PRKD1: variants seen among roughly 807,000 people sequenced by gnomAD.
PRKD1 encodes serine/threonine-protein kinase D1.
Under a neutral mutation model 95.9 loss-of-function variants are expected in PRKD1, and 63 were observed. The ratio of observed to expected loss-of-function variants is 0.66; its 90% confidence interval spans 0.54 to 0.81. The LOEUF (loss-of-function observed/expected upper bound fraction) is 0.81. Ranked by LOEUF, PRKD1 falls within the 30% of genes least tolerant of loss-of-function variation. PRKD1 has a pLI of 0.00. For synonymous variants in PRKD1, 425 were observed against 423.1 expected, an observed-to-expected ratio of 1.00 and a Z score of -0.05; for missense variants, 1,048 against 1,165.3, an observed-to-expected ratio of 0.90 and a Z score of 1.47.
chr14:29,625,341 T>C (rs930345814), intron 12 of PRKD1, among the ~76,000 whole-genome samples: 10 of 152,206 alleles, frequency 6.6e-5, no homozygotes, highest in African/African-American at 2.4e-4. Flanking sequence ...CTTCTGAGAC[T>C]CTTCTCATCT....
At chr14:29,626,297 C>A (rs1879616635) in intron 12 of PRKD1, among the ~76,000 whole-genome samples, 187 bp downstream of exon 12, 1 of 152,064 alleles carries the variant, frequency 6.6e-6, no homozygotes, top group South Asian at 2.1e-4. Context: ...TCAAAACACA[C>A]ATATCCCAAT....
chr14:29,599,733 C>T lies in PRKD1; in HGVS notation c.1990G>A (p.Gly664Arg), dbSNP rs763393035. ...GACAAGATCATTTCCAGCATGTCTC[C>T]ATGGAGTTTTTCCATAACAACAAAC... is the stretch of plus-strand genomic sequence containing the variant. Reference protein sequence around the residue: ...RVFVVMEKLHGDMLEMILSSE... With the variant: ...RVFVVMEKLHRDMLEMILSSE... The change falls in exon 14 of 18, where the codon GGA (glycine) becomes AGA (arginine). Residue 664 changes from glycine (G) to arginine (R), a missense_variant. Around this residue, in one of 3 missense-constraint regions of PRKD1, gnomAD observed 739 missense variants for 861.9 expected, o/e 0.86. Coordinates refer to ENST00000331968, the MANE Select transcript of PRKD1 (RefSeq NM_002742.3). 6.2e-7 allele frequency: 1 copy of T among 1,613,408 alleles called. No homozygotes were observed. The highest frequency in any genetic ancestry group is 1.7e-5 in the Admixed American group (1 of 59,970).
intron 12 of PRKD1, among the ~76,000 whole-genome samples, chr14:29,624,832 C>G (rs1224414555): frequency 6.6e-6 from 1 of 152,116 alleles, no homozygotes; most frequent in East Asian, 1.9e-4. Flanking sequence ...TTATCATCAT[C>G]ATCACCATAT....
At chr14:29,849,285 T>A (rs1219953494) in intron 1 of PRKD1, among the ~76,000 whole-genome samples, 1 of 152,198 alleles carries the variant, frequency 6.6e-6, no homozygotes, top group Non-Finnish European at 1.5e-5. Context: ...TCATTCACTT[T>A]CCACCATAAT....
At chr14:29,863,472 GT>G (rs1301959635) in intron 1 of PRKD1, among the ~76,000 whole-genome samples, 1 of 152,080 alleles carries the variant, frequency 6.6e-6, no homozygotes, top group Non-Finnish European at 1.5e-5. Flanking sequence ...GTCAACTCTA[GT>G]TTTTCCTTTC....
chr14:29,760,605 G>A (rs959565211), intron 1 of PRKD1, among the ~76,000 whole-genome samples: 5 of 148,520 alleles, frequency 3.4e-5, no homozygotes, highest in Admixed American at 6.6e-5. Flanking sequence ...CGCCTGCCTC[G>A]GCCTCCCAAA....
chr14:29,712,259 T>G (rs1444950513), intron 2 of PRKD1, among the ~76,000 whole-genome samples: 1 of 152,106 alleles, frequency 6.6e-6, no homozygotes, highest in Non-Finnish European at 1.5e-5. Context: ...CTCTTCATCA[T>G]TTTTTCCCCT....
intron 13 of PRKD1, among the ~76,000 whole-genome samples, chr14:29,604,952 T>C (rs74829447): frequency 0.036 from 5,435 of 152,260 alleles, 340 homozygotes; most frequent in African/African-American, 0.12. Context: ...ATTTCTTCGC[T>C]TGGCAAATGG....
intron 1 of PRKD1, among the ~76,000 whole-genome samples, chr14:29,818,664 T>C (rs8018656): frequency 0.22 from 32,932 of 151,636 alleles, 4,027 homozygotes; most frequent in South Asian, 0.34. Context: ...ACAACTATTT[T>C]GTTTGGTTTC....
At chr14:29,578,190 T>C (rs548085239) in intron 17 of PRKD1, 85 bp downstream of exon 17, 1 of 1,088,454 alleles carries the variant, frequency 9.2e-7, no homozygotes, top group Non-Finnish European at 1.3e-6. Flanking sequence ...ACTTTAAAAA[T>C]TATTGCAAAA....
chr14:29,823,383 G>A (rs887840374), intron 1 of PRKD1, among the ~76,000 whole-genome samples: 5 of 151,814 alleles, frequency 3.3e-5, no homozygotes, highest in Admixed American at 6.6e-5. Flanking sequence ...TTTGTTATTC[G>A]CAGAGCCTAT....
chr14:29,599,105 G>T lies in PRKD1; in HGVS notation c.2088C>A (p.His696Gln). Residue 696 changes from histidine (H) to glutamine (Q), a missense_variant, in exon 15 of 18, where the codon CAC becomes CAA. His to Gln is a conservative substitution (Grantham distance 24, BLOSUM62 0). Coordinates refer to ENST00000331968, the MANE Select transcript of PRKD1 (RefSeq NM_002742.3). ...LITQILVALR[H>Q]LHFKNIVHCD... ...AGTGAACGATATTTTTAAAATGAAG[G>T]TGCCGCAAAGCCACGAGTATCTGTA... 1.9e-6 allele frequency: 3 copies of T among 1,613,390 alleles called. No homozygotes were observed. The highest frequency in any genetic ancestry group is 1.1e-5 in the South Asian group (1 of 91,048).
At chr14:29,807,594 C>T (rs1479611584) in intron 1 of PRKD1, among the ~76,000 whole-genome samples, 3 of 151,732 alleles carry the variant, frequency 2.0e-5, no homozygotes, top group African/African-American at 2.4e-5. Flanking sequence ...GATGAGGTTT[C>T]GCCATGTTGT....
At chr14:29,798,626 T>C (rs1329485108) in intron 1 of PRKD1, among the ~76,000 whole-genome samples, 1 of 152,216 alleles carries the variant, frequency 6.6e-6, no homozygotes, top group African/African-American at 2.4e-5. Context: ...GTTATAAATA[T>C]TCATAATTGT....
At chr14:29,664,170 T>C (rs1882350558) in intron 3 of PRKD1, among the ~76,000 whole-genome samples, 1 of 152,200 alleles carries the variant, frequency 6.6e-6, no homozygotes, top group Non-Finnish European at 1.5e-5. Flanking sequence ...GAGCCACTTT[T>C]AGCTGCCGTA....
chr14:29,890,241 C>T (rs1893892708), intron 1 of PRKD1, among the ~76,000 whole-genome samples: 1 of 152,184 alleles, frequency 6.6e-6, no homozygotes, highest in South Asian at 2.1e-4. Flanking sequence ...TTTGTTTTCT[C>T]ACTGCTAAGA....
chr14:29,676,551 C>T (rs1029309514), intron 2 of PRKD1, among the ~76,000 whole-genome samples: 7 of 152,132 alleles, frequency 4.6e-5, no homozygotes, highest in Admixed American at 6.5e-5. Context: ...GACGGGGTTT[C>T]ACCATGTTGA....
chr14:29,630,497 G>C, intron 10 of PRKD1: 1 of 507,860 alleles, frequency 2.0e-6, no homozygotes, highest in East Asian at 3.5e-5. Flanking sequence ...CTAATACATA[G>C]TGTTTACCTG....
At chr14:29,876,805 C>A (rs1290683785) in intron 1 of PRKD1, among the ~76,000 whole-genome samples, 1 of 151,722 alleles carries the variant, frequency 6.6e-6, no homozygotes, top group Admixed American at 6.6e-5. Context: ...CACAAATAGA[C>A]AACACATGAA....
Sources: gnomAD v4.1 joint callset for allele counts (sites outside exome capture counted in the v4.1 genomes callset) on GRCh38, gnomAD v4.1.1 for gene constraint, gnomAD v4.1.1 regional missense constraint, MANE v1.5 for transcripts, NCBI Gene and HGNC (gene_info 2026-07-23, HGNC 2026-07-21) for gene names.